Variants in PLPP1 observed in about 807,000 individuals in gnomAD.
PLPP1 encodes the protein lipid phosphate phosphohydrolase 1a.
In PLPP1, 24 loss-of-function variants were observed where a neutral mutation model predicts 31.2. The ratio of observed to expected loss-of-function variants is 0.77; its 90% CI spans 0.56 to 1.08. The LOEUF is 1.08. Among genes scored for constraint, PLPP1 ranks in the 50% least tolerant of loss-of-function variants. The pLI is 0.00. For synonymous variants in PLPP1, 146 were observed against 126.3 expected, an observed-to-expected ratio of 1.16 and a Z score of -1.05; for missense variants, 319 against 342.7, an observed-to-expected ratio of 0.93 and a Z score of 0.55.
At chr5:55,490,938 A>C in intron 1 of PLPP1, 5 of 1,597,434 alleles carry the variant, frequency 3.1e-6, no homozygotes, top group Non-Finnish European at 3.4e-6. Context: ...ACCCATCACT[A>C]CCTACTTATT....
intron 1 of PLPP1, chr5:55,491,237 A>G: frequency 1.0e-6 from 1 of 987,526 alleles, no homozygotes; most frequent in Non-Finnish European, 1.5e-6. Flanking sequence ...ATGGATCTCC[A>G]TTATACCCAA....
At chr5:55,478,104 A>G (rs531514909) in intron 1 of PLPP1, among the ~76,000 whole-genome samples, 1 of 152,292 alleles carries the variant, frequency 6.6e-6, no homozygotes, top group East Asian at 1.9e-4. Context: ...CACATGCCCA[A>G]ATGTATTTAG....
intron 1 of PLPP1, among the ~76,000 whole-genome samples, chr5:55,512,856 A>G (rs1753468530): frequency 6.6e-6 from 1 of 152,220 alleles, no homozygotes. Context: ...AATATTAACA[A>G]CACTGTATTT....
intron 1 of PLPP1, among the ~76,000 whole-genome samples, chr5:55,521,645 C>T (rs190311359): frequency 6.6e-6 from 1 of 152,342 alleles, no homozygotes; most frequent in East Asian, 1.9e-4. Flanking sequence ...TCAGTGCTAA[C>T]AGGCACTCAA....
chr5:55,523,577 C>T (rs1753719954), intron 1 of PLPP1, among the ~76,000 whole-genome samples: 1 of 152,174 alleles, frequency 6.6e-6, no homozygotes, highest in Admixed American at 6.5e-5. Flanking sequence ...CGAGAGACTG[C>T]ACTGGCTGTA....
chr5:55,504,185 A>G (rs1444895340), intron 1 of PLPP1, among the ~76,000 whole-genome samples: 1 of 151,614 alleles, frequency 6.6e-6, no homozygotes, highest in African/African-American at 2.4e-5. Flanking sequence ...GCTGGCCAAG[A>G]TGGTGAAACC....
At chr5:55,522,094 T>C (rs1753682102) in intron 1 of PLPP1, among the ~76,000 whole-genome samples, 3 of 152,170 alleles carry the variant, frequency 2.0e-5, no homozygotes, top group Admixed American at 2.0e-4. Context: ...TCAGGAAACA[T>C]TTCCAAGCAG....
chr5:55,534,417 A>G (rs961038938), intron 1 of PLPP1, among the ~76,000 whole-genome samples, 155 bp downstream of exon 1: 2 of 152,208 alleles, frequency 1.3e-5, no homozygotes, highest in African/African-American at 2.4e-5. Context: ...GCAGGCTGCA[A>G]AGCGGGGTCC....
chr5:55,459,264 A>G (rs1752098974), intron 3 of PLPP1, among the ~76,000 whole-genome samples: 1 of 152,090 alleles, frequency 6.6e-6, no homozygotes, highest in Admixed American at 6.6e-5. Flanking sequence ...AGTGCTACAT[A>G]TTGAACAGCA....
At chr5:55,473,997 G>GTT (rs756603259) in intron 2 of PLPP1, among the ~76,000 whole-genome samples, 1 of 28,036 alleles carries the variant, frequency 3.6e-5, no homozygotes, top group Non-Finnish European at 9.5e-5. Flanking sequence ...TTTGTTTGTT[G>GTT]TTTTTTTTTT....
Position 55,529,464 on chromosome 5 carries a change from T to C in PLPP1, c.58+5108A>G, listed in dbSNP as rs1400828813. ...AGAGCTGCTATTCAGCTTAGTATAT[T>C]CTAGGCTTACAAATCAGTCAAAGAC... On this transcript the variant is annotated intron_variant, in intron 1 of 5. Coordinates refer to ENST00000307259, the MANE Select transcript of PLPP1 (RefSeq NM_003711.4). Among the ~76,000 whole-genome samples the C allele has an allele frequency of 2.6e-5, 4 of 152,236 alleles. No homozygotes were observed. In the East Asian group the frequency reaches 7.7e-4, roughly 29 times the overall value.
intron 2 of PLPP1, among the ~76,000 whole-genome samples, chr5:55,474,561 C>A (rs1170103671): frequency 6.6e-6 from 1 of 152,138 alleles, no homozygotes; most frequent in African/African-American, 2.4e-5. Flanking sequence ...GCATTCAGTA[C>A]CAGTAAAAAT....
intron 3 of PLPP1, among the ~76,000 whole-genome samples, chr5:55,462,743 G>A (rs1195302638): frequency 1.3e-5 from 2 of 151,022 alleles, no homozygotes; most frequent in Non-Finnish European, 2.9e-5. Context: ...GGAGGCCAAG[G>A]TGGGCGGATC....
At chr5:55,431,124 G>C (rs1242310060) in intron 4 of PLPP1, among the ~76,000 whole-genome samples, 2 of 152,074 alleles carry the variant, frequency 1.3e-5, no homozygotes, top group East Asian at 3.9e-4. Context: ...AAAAATAAAA[G>C]GGATAGAAAA....
chr5:55,511,014 A>G (rs1753393051), intron 1 of PLPP1, among the ~76,000 whole-genome samples: 1 of 152,300 alleles, frequency 6.6e-6, no homozygotes, highest in African/African-American at 2.4e-5. Context: ...CCGAGCCCCC[A>G]TGGACCTTAT....
intron 3 of PLPP1, among the ~76,000 whole-genome samples, chr5:55,446,234 G>A (rs1751761946): frequency 6.6e-6 from 1 of 152,108 alleles, no homozygotes; most frequent in Non-Finnish European, 1.5e-5. Flanking sequence ...TAAGACCTTT[G>A]CATTCTATTC....
chr5:55,489,135 T>C (rs902100701), intron 1 of PLPP1, among the ~76,000 whole-genome samples: 7 of 152,122 alleles, frequency 4.6e-5, no homozygotes, highest in Non-Finnish European at 1.0e-4. Context: ...GAGGCAGAGA[T>C]TGCAGTGAGC....
intron 1 of PLPP1, among the ~76,000 whole-genome samples, chr5:55,499,968 T>C (rs987104595): frequency 6.6e-6 from 1 of 151,512 alleles, no homozygotes; most frequent in Non-Finnish European, 1.5e-5. Context: ...CCATAAAATA[T>C]GGAAAAATTA....
chr5:55,503,472 G>T (rs1740274905), intron 1 of PLPP1, among the ~76,000 whole-genome samples: 1 of 152,004 alleles, frequency 6.6e-6, no homozygotes, highest in Non-Finnish European at 1.5e-5. Flanking sequence ...CTCAACTAAT[G>T]AAGTCTAAAA....
Sources: gnomAD v4.1 joint callset for allele counts (sites outside exome capture counted in the v4.1 genomes callset) on GRCh38, gnomAD v4.1.1 for gene constraint, MANE v1.5 for transcripts, NCBI Gene and HGNC (gene_info 2026-07-23, HGNC 2026-07-21) for gene names.